CYYR1: variants seen among roughly 807,000 people sequenced by gnomAD.
CYYR1 encodes cysteine and tyrosine-rich protein 1.
A neutral mutation model predicts 15.2 loss-of-function variants in CYYR1; 14 were observed. The ratio of observed to expected loss-of-function variants is 0.92; its 90% CI spans 0.61 to 1.44. The LOEUF is 1.44. CYYR1 is among the 40% of genes most tolerant of loss of function. CYYR1 has a pLI of 0.00. For missense variants in CYYR1, 228 were observed against 209.5 expected (o/e 1.09, Z -0.54); for synonymous variants, 80 against 77.4 (o/e 1.03, Z -0.18).
chr21:26,479,699 A>AC (rs1332470206), intron 3 of CYYR1, among the ~76,000 whole-genome samples: 1 of 151,830 alleles, frequency 6.6e-6, no homozygotes, highest in Admixed American at 6.6e-5. Flanking sequence ...TTTAGTAGAG[A>AC]CTGAGTTTCT....
chr21:26,543,512 T>C (rs1392866719), intron 2 of CYYR1, among the ~76,000 whole-genome samples: 3 of 152,170 alleles, frequency 2.0e-5, no homozygotes, highest in Non-Finnish European at 2.9e-5. Flanking sequence ...CTCCTTTCCT[T>C]CCGCACTGGG....
intron 2 of CYYR1, among the ~76,000 whole-genome samples, chr21:26,486,932 G>C (rs2065256995): frequency 6.6e-6 from 1 of 151,896 alleles, no homozygotes; most frequent in Non-Finnish European, 1.5e-5. Context: ...CTTCTTCTCG[G>C]ATACGACCCA....
chr21:26,506,714 T>C (rs2065570555), intron 2 of CYYR1: 1 of 152,128 alleles, frequency 6.6e-6, no homozygotes, highest in South Asian at 2.1e-4. Flanking sequence ...AATTCTTTCA[T>C]TGTAGGAAAG....
In CYYR1 at chr21:26,467,618, C is replaced by A. The variant is rs1175665170; in HGVS notation, c.*883G>T. 5.9e-5 allele frequency: 9 copies of A among 152,140 alleles called. No individual in the cohort carries two copies. Among genetic ancestry groups the A allele is most frequent in the Admixed American group, 3.9e-4 (6 of 15,274 alleles). 9.4% of individuals were successfully genotyped at this position (152,140 alleles called of 1,614,324 possible). ...TGTCTGCTACCTGTGGAACTTGATACAATTTTTTTTTTCTCCCCACAGTTA... is the reference window on the plus strand; with the variant it reads ...TGTCTGCTACCTGTGGAACTTGATAAAATTTTTTTTTTCTCCCCACAGTTA... On this transcript the variant is annotated 3_prime_UTR_variant, in exon 4 of 4. Coordinates refer to ENST00000652641, the MANE Select transcript of CYYR1 (RefSeq NM_001320768.2).
chr21:26,484,571 G>A (rs1225024110), intron 2 of CYYR1, among the ~76,000 whole-genome samples: 1 of 152,006 alleles, frequency 6.6e-6, no homozygotes, highest in Non-Finnish European at 1.5e-5. Context: ...GAGATAATTC[G>A]AAGTGAGAAA....
chr21:26,564,542 C>T (rs1455566318), intron 2 of CYYR1: 1 of 412,056 alleles, frequency 2.4e-6, no homozygotes, highest in South Asian at 1.0e-4. Context: ...AGATATAGAA[C>T]ATGTACCATA....
In CYYR1 at chr21:26,480,419, T is replaced by C. The variant is rs2065161037; in HGVS notation, c.187A>G (p.Ile63Val). Residue 63 changes from isoleucine (I) to valine (V), a missense_variant, in exon 3 of 4, where the codon ATT becomes GTT. Transcript: ENST00000652641. Reference protein sequence around the residue: ...YIGNILSGTAIAGIVFGIVFI... With the variant: ...YIGNILSGTAVAGIVFGIVFI... ...ACTATTCCAAAAACAATGCCCGCAA[T>C]TGCAGTGCCCCTAAAAGGAAAAACA... The C allele has an allele frequency of 2.5e-6, 4 of 1,611,592 alleles. No homozygotes were observed. The highest frequency in any genetic ancestry group is 2.2e-5 in the South Asian group (2 of 90,632).
Position 26,573,214 on chromosome 21 carries a change from C to A in CYYR1, c.-274G>T, listed in dbSNP as rs1450866904. ...TGTCTCGCCCCACTGCGCTCAGGCG[C>A]GGGGAAGGCGGCCACTCCGGCGTCC... On this transcript the variant is annotated 5_prime_UTR_variant, in exon 1 of 4. Coordinates refer to ENST00000652641, the MANE Select transcript of CYYR1 (RefSeq NM_001320768.2). The A allele has an allele frequency of 7.0e-7, 1 of 1,424,654 alleles. No homozygotes were observed. The highest frequency in any genetic ancestry group is 1.2e-5 in the South Asian group (1 of 81,694). The allele number at this position is 1,424,654 out of a possible 1,614,324, so 88.3% of individuals were successfully genotyped here. A position where few individuals can be genotyped will look rare whatever the true frequency, so the allele number is the denominator to read the frequency against.
intron 2 of CYYR1, among the ~76,000 whole-genome samples, chr21:26,485,645 G>T (rs2065239220): frequency 6.6e-6 from 1 of 151,996 alleles, no homozygotes; most frequent in African/African-American, 2.4e-5. Flanking sequence ...TCCAGTTTCT[G>T]CATGTATCAG....
intron 2 of CYYR1, chr21:26,564,641 T>C (rs1271130608): frequency 1.0e-6 from 1 of 960,522 alleles, no homozygotes; most frequent in African/African-American, 1.8e-5. Context: ...TAAGTAGTTA[T>C]GAGTTATATG....
At chr21:26,533,427 G>A (rs148216332) in intron 2 of CYYR1, among the ~76,000 whole-genome samples, 2 of 152,104 alleles carry the variant, frequency 1.3e-5, no homozygotes, top group African/African-American at 4.8e-5. Flanking sequence ...AAGTTCTGGA[G>A]CTCAAAGATC....
At chr21:26,504,104 G>A (rs887505299) in intron 2 of CYYR1, among the ~76,000 whole-genome samples, 1 of 151,714 alleles carries the variant, frequency 6.6e-6, no homozygotes, top group African/African-American at 2.4e-5. Flanking sequence ...TTCTGGAGAG[G>A]GTTCAAGAAT....
intron 2 of CYYR1, among the ~76,000 whole-genome samples, chr21:26,494,706 C>T (rs954018489): frequency 1.1e-4 from 16 of 152,130 alleles, no homozygotes; most frequent in African/African-American, 3.9e-4. Flanking sequence ...TGGGACATCA[C>T]ATTGTGCCCC....
At chr21:26,517,384 C>G (rs1002265217) in intron 2 of CYYR1, among the ~76,000 whole-genome samples, 1 of 152,074 alleles carries the variant, frequency 6.6e-6, no homozygotes, top group Non-Finnish European at 1.5e-5. Flanking sequence ...TGAGAAGTGG[C>G]TTGCAACTGA....
intron 2 of CYYR1, among the ~76,000 whole-genome samples, chr21:26,500,660 C>T (rs1025648045): frequency 1.3e-5 from 2 of 152,014 alleles, no homozygotes; most frequent in Non-Finnish European, 2.9e-5. Flanking sequence ...CACTGGTGGG[C>T]CTGCACTGGG....
intron 2 of CYYR1, among the ~76,000 whole-genome samples, chr21:26,546,307 C>T (rs1248173403): frequency 6.6e-6 from 1 of 152,210 alleles, no homozygotes; most frequent in Non-Finnish European, 1.5e-5. Context: ...AGATTCTCTT[C>T]TGACTCCTAT....
chr21:26,504,848 C>T (rs1349625624), intron 2 of CYYR1, among the ~76,000 whole-genome samples: 1 of 152,120 alleles, frequency 6.6e-6, no homozygotes, highest in Admixed American at 6.5e-5. Context: ...CTTCTACTCC[C>T]TATGTCCGTG....
rs561505493 is a variant in CYYR1, at chr21:26,532,364, G to T, written c.176+33902C>A. On this transcript the variant is annotated intron_variant, in intron 2 of 3. Coordinates refer to ENST00000652641, the MANE Select transcript of CYYR1 (RefSeq NM_001320768.2). ...TGTAACAGGACAGGAAATCATGTCAGTTTATAAAGTCAGTGAGAGGCTTCT... is the reference window on the plus strand; with the variant it reads ...TGTAACAGGACAGGAAATCATGTCATTTTATAAAGTCAGTGAGAGGCTTCT... Among the ~76,000 whole-genome samples, 5 of 152,258 alleles carry T rather than the reference G, an allele frequency of 3.3e-5. No homozygotes were observed. The East Asian group carries it at 5.8e-4, about 18-fold the overall frequency.
chr21:26,504,581 G>A (rs373686812), intron 2 of CYYR1, among the ~76,000 whole-genome samples: 14 of 152,080 alleles, frequency 9.2e-5, no homozygotes, highest in South Asian at 2.1e-4. Context: ...TTTGATACAC[G>A]CATGCAATGT....
Sources: gnomAD v4.1 joint callset for allele counts (sites outside exome capture counted in the v4.1 genomes callset) on GRCh38, gnomAD v4.1.1 for gene constraint, MANE v1.5 for transcripts, NCBI Gene and HGNC (gene_info 2026-07-23, HGNC 2026-07-21) for gene names.